The following AKT3 variants were observed in gnomAD, a reference collection of about 807,000 sequenced individuals.
AKT3 encodes RAC-gamma serine/threonine-protein kinase.
AKT3 carries 15 observed loss-of-function variants against 65.3 expected under a neutral mutation model. The observed-to-expected ratio is 0.23, with a 90% CI of 0.15 to 0.35. The LOEUF (loss-of-function observed/expected upper bound fraction) is 0.35. Ranked by LOEUF, AKT3 falls within the 10% of genes least tolerant of loss-of-function variation. AKT3 has a pLI of 1.00. For synonymous variants in AKT3, 206 were observed against 183.8 expected, an observed-to-expected ratio of 1.12 and a Z score of -0.98; for missense variants, 243 against 576.5, an observed-to-expected ratio of 0.42 and a Z score of 5.92.
At chr1:243,488,342 C>CACACAT (rs1244361525) in exon 14 of AKT3, 1 of 153,418 alleles carries the variant, frequency 6.5e-6, no homozygotes, top group African/African-American at 2.4e-5. Flanking sequence ...TGAGGCAGGC[C>CACACAT]ACACATCTCG....
At chr1:243,766,685 T>C (rs1689848167) in intron 2 of AKT3, among the ~76,000 whole-genome samples, 1 of 152,162 alleles carries the variant, frequency 6.6e-6, no homozygotes, top group South Asian at 2.1e-4. Context: ...ATAGACTTTA[T>C]GGAATCACAG....
intron 9 of AKT3, among the ~76,000 whole-genome samples, chr1:243,571,370 AAAG>A (rs1674550484): frequency 6.6e-6 from 1 of 152,228 alleles, no homozygotes; most frequent in Admixed American, 6.5e-5. Context: ...AGAAATGATT[AAAG>A]AAGAAATACT....
At chr1:243,638,244 C>T (rs1366359311) in intron 5 of AKT3, among the ~76,000 whole-genome samples, 1 of 152,088 alleles carries the variant, frequency 6.6e-6, no homozygotes, top group Non-Finnish European at 1.5e-5. Context: ...TCGAGAACCT[C>T]GTATACTTCA....
rs144317860 is a variant in AKT3 at position 243,807,541 on chromosome 1, C to T, written c.46+35584G>A. On this transcript the variant is annotated intron_variant, in intron 2 of 13. Transcript: ENST00000673466. ...AGGTAAACAAAGCAGCCGGGAAGCTCGAACTGGGTGGAGCCCACCACAACT... is the reference window on the plus strand; with the variant it reads ...AGGTAAACAAAGCAGCCGGGAAGCTTGAACTGGGTGGAGCCCACCACAACT... Among the ~76,000 whole-genome samples, 779 of 152,290 alleles carry T rather than the reference C, an allele frequency of 5.1e-3. 9 individuals carry two copies. Among genetic ancestry groups the T allele is most frequent in the African/African-American group, 0.018 (739 of 41,548 alleles).
At chr1:243,780,978 A>T (rs1690871840) in intron 2 of AKT3, among the ~76,000 whole-genome samples, 1 of 152,128 alleles carries the variant, frequency 6.6e-6, no homozygotes. Flanking sequence ...AAAATGTTTT[A>T]AATTTGTTTT....
intron 2 of AKT3, among the ~76,000 whole-genome samples, chr1:243,710,632 T>C (rs1311705315): frequency 6.6e-6 from 1 of 152,192 alleles, no homozygotes; most frequent in Non-Finnish European, 1.5e-5. Flanking sequence ...GAATGCCGGA[T>C]GAAAACAATT....
At chr1:243,631,370 G>T (rs960553284) in intron 6 of AKT3, among the ~76,000 whole-genome samples, 3 of 152,112 alleles carry the variant, frequency 2.0e-5, no homozygotes, top group Admixed American at 2.0e-4. Flanking sequence ...GGAGTGCAGT[G>T]GCACGATCTT....
chr1:243,715,547 T>G (rs868373308), intron 2 of AKT3, among the ~76,000 whole-genome samples: 2 of 152,116 alleles, frequency 1.3e-5, no homozygotes, highest in African/African-American at 4.8e-5. Context: ...TGAATCCTAC[T>G]GTATTAACAA....
chr1:243,590,037 A>C (rs1174822801), intron 8 of AKT3, among the ~76,000 whole-genome samples: 1 of 152,208 alleles, frequency 6.6e-6, no homozygotes, highest in Non-Finnish European at 1.5e-5. Context: ...AATCTAAAAG[A>C]ATCAAACTCA....
intron 2 of AKT3, among the ~76,000 whole-genome samples, chr1:243,776,145 A>G (rs1222343881): frequency 2.0e-5 from 3 of 152,206 alleles, no homozygotes; most frequent in Non-Finnish European, 4.4e-5. Context: ...CTTTCCATCA[A>G]TGAAGAGCAA....
At chr1:243,517,003 G>A (rs187418958) in intron 12 of AKT3, among the ~76,000 whole-genome samples, 1 of 151,974 alleles carries the variant, frequency 6.6e-6, no homozygotes, top group East Asian at 1.9e-4. Flanking sequence ...TTTAAGTATT[G>A]CTTTAGCTGT....
chr1:243,617,610 T>G (rs1678426749), intron 6 of AKT3, among the ~76,000 whole-genome samples: 1 of 152,120 alleles, frequency 6.6e-6, no homozygotes, highest in East Asian at 1.9e-4. Context: ...GGTTATCCAC[T>G]ATTGTCAACG....
At chr1:243,523,702 T>C (rs768972065) in intron 12 of AKT3, among the ~76,000 whole-genome samples, 4 of 152,144 alleles carry the variant, frequency 2.6e-5, no homozygotes, top group Non-Finnish European at 4.4e-5. Context: ...AACAGGTCCT[T>C]TACTCTTAAA....
At chr1:243,839,587 A>C (rs1320888607) in intron 2 of AKT3, among the ~76,000 whole-genome samples, 1 of 152,220 alleles carries the variant, frequency 6.6e-6, no homozygotes, top group African/African-American at 2.4e-5. Flanking sequence ...GGATATCACT[A>C]TTAATATATC....
At chr1:243,687,673 C>T (rs951511722) in intron 3 of AKT3, 3 of 151,450 alleles carry the variant, frequency 2.0e-5, no homozygotes, top group African/African-American at 7.3e-5. Flanking sequence ...AAAGAATGAA[C>T]GTTTTGTGGA....
In AKT3 at chr1:243,754,332, C is replaced by T. The variant is rs1047755674; in HGVS notation, c.47-58616G>A. On this transcript the variant is annotated intron_variant, in intron 2 of 13. Coordinates refer to ENST00000673466, the MANE Select transcript of AKT3 (RefSeq NM_005465.7). Reference sequence around the variant, plus strand: ...GTTGATAATTACACTGAATGATTAGCTGTAGAATGCCTGTATCTGCATTTG... The same window carrying T: ...GTTGATAATTACACTGAATGATTAGTTGTAGAATGCCTGTATCTGCATTTG... 3.3e-5 allele frequency among the ~76,000 whole-genome samples: 5 copies of T among 152,174 alleles called. No homozygotes were observed. In the East Asian group the frequency reaches 7.7e-4, roughly 23 times the overall value.
At chr1:243,702,109 CAAAAA>C (rs148524776) in intron 2 of AKT3, among the ~76,000 whole-genome samples, 4 of 124,576 alleles carry the variant, frequency 3.2e-5, no homozygotes, top group Non-Finnish European at 3.4e-5. Flanking sequence ...AGAATTTATG[CAAAAA>C]AAAAAAAAAA....
chr1:243,685,757 G>C (rs1432826291), intron 3 of AKT3, among the ~76,000 whole-genome samples: 1 of 152,114 alleles, frequency 6.6e-6, no homozygotes, highest in Non-Finnish European at 1.5e-5. Flanking sequence ...TCTGGCTAGG[G>C]AAATCAGGCA....
intron 2 of AKT3, among the ~76,000 whole-genome samples, chr1:243,764,732 G>A (rs1203880979): frequency 6.6e-6 from 1 of 152,004 alleles, no homozygotes; most frequent in Non-Finnish European, 1.5e-5. Context: ...TTAGAAAGGT[G>A]CCCCATAACT....
Sources: gnomAD v4.1 joint callset for allele counts (sites outside exome capture counted in the v4.1 genomes callset) on GRCh38, gnomAD v4.1.1 for gene constraint, MANE v1.5 for transcripts, NCBI Gene and HGNC (gene_info 2026-07-23, HGNC 2026-07-21) for gene names.